The following HPCAL1 variants were observed in gnomAD, a reference collection of about 807,000 sequenced individuals.
The protein encoded by HPCAL1 is hippocalcin like 1.
A neutral mutation model predicts 17.1 loss-of-function variants in HPCAL1; 8 were observed. The ratio of observed to expected loss-of-function variants is 0.47; its 90% CI spans 0.27 to 0.84. The LOEUF (loss-of-function observed/expected upper bound fraction) is 0.84, where lower values mean the gene tolerates loss of function less well. Among genes scored for constraint, HPCAL1 ranks in the 40% least tolerant of loss-of-function variants. The probability of loss-of-function intolerance (pLI) is 0.13; values close to 1 mark genes in which losing one functional copy is unlikely to be tolerated. For missense variants in HPCAL1, 165 were observed against 271.1 expected (o/e 0.61, Z 2.75); for synonymous variants, 112 against 111.4 (o/e 1.01, Z -0.03).
chr2:10,338,836 G>A (rs1572671456), intron 1 of HPCAL1, among the ~76,000 whole-genome samples: 1 of 152,238 alleles, frequency 6.6e-6, no homozygotes, highest in African/African-American at 2.4e-5. Context: ...GCAGCCAGAA[G>A]CATGGTGCAG....
At chr2:10,415,715 G>C (rs1670621836) in intron 2 of HPCAL1, among the ~76,000 whole-genome samples, 1 of 152,136 alleles carries the variant, frequency 6.6e-6, no homozygotes, top group South Asian at 2.1e-4. Context: ...CTGTTATTCG[G>C]GGGGAGTCCA....
chr2:10,325,809 T>C (rs545839388), intron 1 of HPCAL1, among the ~76,000 whole-genome samples: 10 of 152,362 alleles, frequency 6.6e-5, no homozygotes, highest in African/African-American at 2.4e-4. Flanking sequence ...ACCTCGGTCC[T>C]GCTGGTCCCA....
At chr2:10,417,278 G>A (rs1393235438) in intron 2 of HPCAL1, among the ~76,000 whole-genome samples, 5 of 151,802 alleles carry the variant, frequency 3.3e-5, no homozygotes, top group African/African-American at 7.3e-5. Context: ...CACAAGAATC[G>A]CTTGAACCCA....
chr2:10,332,421 G>A (rs956117233), intron 1 of HPCAL1, among the ~76,000 whole-genome samples: 2 of 152,138 alleles, frequency 1.3e-5, no homozygotes, highest in East Asian at 1.9e-4. Flanking sequence ...GCCCCTCTGC[G>A]GTTCTCAGGA....
chr2:10,420,205 AG>A, intron 3 of HPCAL1, 70 bp downstream of exon 3: 1 of 688,954 alleles, frequency 1.5e-6, no homozygotes, highest in Non-Finnish European at 2.0e-6. Flanking sequence ...CCCCCAGCCC[AG>A]GGCTTTTTTT....
intron 1 of HPCAL1, among the ~76,000 whole-genome samples, chr2:10,311,727 TGCTGG>T (rs1261491389): frequency 6.6e-6 from 1 of 152,120 alleles, no homozygotes; most frequent in Non-Finnish European, 1.5e-5. Context: ...CTGTGGTTTG[TGCTGG>T]GCCAGTTGCT....
chr2:10,392,758 G>A (rs546512157), intron 1 of HPCAL1, among the ~76,000 whole-genome samples: 2 of 152,316 alleles, frequency 1.3e-5, no homozygotes, highest in Admixed American at 1.3e-4. Context: ...ATTCCAGACA[G>A]TCCAGCCATG....
intron 2 of HPCAL1, among the ~76,000 whole-genome samples, chr2:10,410,801 G>A (rs1222169859): frequency 1.3e-5 from 2 of 152,080 alleles, no homozygotes; most frequent in East Asian, 3.9e-4. Context: ...GGAAACGTGA[G>A]TGGTGGCTTT....
rs558639466 is a variant in HPCAL1 at position 10,409,393 on chromosome 2, C to T, written c.-24-10341C>T. Among the ~76,000 whole-genome samples the T allele has an allele frequency of 5.3e-5, 8 of 152,310 alleles. No homozygotes were observed. The South Asian group carries it at 1.0e-3, about 20-fold the overall frequency. ...GGGTCCTGGCAGCCGGCACAGCCTC[C>T]CCGCAATCACCCAGGGGCAAAACGG... On this transcript the variant is annotated intron_variant, in intron 2 of 4. Transcript: ENST00000307845.
chr2:10,418,666 C>T (rs1038738368), intron 2 of HPCAL1, among the ~76,000 whole-genome samples: 1 of 152,074 alleles, frequency 6.6e-6, no homozygotes, highest in Non-Finnish European at 1.5e-5. Flanking sequence ...AATTATCACG[C>T]CCTGTATATC....
Position 10,359,888 on chromosome 2 carries a change from T to TTCCACAGTGCCCGCCGGG in HPCAL1, c.-110-36939_-110-36922dup, listed in dbSNP as rs1219850157. Among the ~76,000 whole-genome samples the TTCCACAGTGCCCGCCGGG allele has an allele frequency of 6.6e-6, 1 of 151,368 alleles. No homozygotes were observed. Among genetic ancestry groups the TTCCACAGTGCCCGCCGGG allele is most frequent in the African/African-American group, 2.5e-5 (1 of 40,752 alleles). On this transcript the variant is annotated intron_variant, in intron 1 of 4. Transcript: ENST00000307845. This position sits in a 1 kb window ranked among gnomAD's most constrained non-coding sequence, Gnocchi z 4.1. ...CACTCTGAACCTGCCTCCTGCCTCCTTCCACAGTGCCCGCCGGGTCCACAG... is the reference window on the plus strand; with the variant it reads ...CACTCTGAACCTGCCTCCTGCCTCCTTCCACAGTGCCCGCCGGGTCCACAGTGCCCGCCGGGTCCACAG...
At position 10,344,746 on chromosome 2, in the gene HPCAL1, T is replaced by C. The variant is rs1045547333; in HGVS notation, c.-111+41569T>C. ...GTCTGTCTGTCTCTATGTGTCTGTT[T>C]CTCTCTCCCTCTTTCTGTGTGTGTC... On this transcript the variant is annotated intron_variant, in intron 1 of 4. Coordinates refer to ENST00000307845, the MANE Select transcript of HPCAL1 (RefSeq NM_002149.4). The surrounding 1 kb of genome is among the most constrained non-coding windows in gnomAD (Gnocchi z 4.9). Among the ~76,000 whole-genome samples, 1 of 152,146 alleles carries C rather than the reference T, an allele frequency of 6.6e-6. No individual in the cohort carries two copies. Among genetic ancestry groups the C allele is most frequent in the Non-Finnish European group, 1.5e-5 (1 of 68,024 alleles).
At chr2:10,407,535 AAGG>A (rs145403831) in intron 2 of HPCAL1, among the ~76,000 whole-genome samples, 10,088 of 152,292 alleles carry the variant, frequency 0.066, 624 homozygotes, top group East Asian at 0.35. Flanking sequence ...TGGTGAACAA[AAGG>A]AGGCAGACAG....
chr2:10,346,339 G>C (rs1211170140), intron 1 of HPCAL1, among the ~76,000 whole-genome samples: 1 of 152,226 alleles, frequency 6.6e-6, no homozygotes, highest in African/African-American at 2.4e-5. Context: ...ATTGGGAGGG[G>C]ATGGAATGGG....
chr2:10,409,562 G>A (rs574422774), intron 2 of HPCAL1, among the ~76,000 whole-genome samples: 2 of 152,282 alleles, frequency 1.3e-5, no homozygotes, highest in East Asian at 1.9e-4. Flanking sequence ...TGCAGGGGCC[G>A]TGTGGGTCCA....
chr2:10,416,151 A>T (rs998888652), intron 2 of HPCAL1, among the ~76,000 whole-genome samples: 3 of 152,186 alleles, frequency 2.0e-5, no homozygotes, highest in Non-Finnish European at 2.9e-5. Context: ...AGTCAAGGTA[A>T]CCTCAGGTCC....
At chr2:10,412,368 G>T (rs1232053923) in intron 2 of HPCAL1, among the ~76,000 whole-genome samples, 1 of 152,222 alleles carries the variant, frequency 6.6e-6, no homozygotes, top group Non-Finnish European at 1.5e-5. Context: ...ATTGACTGCA[G>T]GCTGTGGTTC....
chr2:10,335,691 A>G (rs1039944340), intron 1 of HPCAL1, among the ~76,000 whole-genome samples: 8 of 152,218 alleles, frequency 5.3e-5, no homozygotes, highest in African/African-American at 1.9e-4. Context: ...AGTACTGTTT[A>G]TTACTAAATT....
intron 1 of HPCAL1, among the ~76,000 whole-genome samples, chr2:10,387,802 C>T (rs7564304): frequency 2.6e-5 from 4 of 152,310 alleles, no homozygotes; most frequent in Non-Finnish European, 4.4e-5. Flanking sequence ...CCTGGACCTG[C>T]GAGTGTAGGT....
Sources: gnomAD v4.1 joint callset for allele counts (sites outside exome capture counted in the v4.1 genomes callset) on GRCh38, gnomAD v4.1.1 for gene constraint, Gnocchi (gnomAD v3.1) non-coding constraint, MANE v1.5 for transcripts, NCBI Gene and HGNC (gene_info 2026-07-23, HGNC 2026-07-21) for gene names.